Variants in RB1 observed in about 807,000 individuals in gnomAD.
The protein encoded by RB1 is RB transcriptional corepressor 1, also known as retinoblastoma-associated protein.
RB1 carries 18 observed loss-of-function variants against 135.4 expected under a neutral mutation model. The ratio of observed to expected loss-of-function variants is 0.13; its 90% CI spans 0.09 to 0.20. RB1 has a LOEUF of 0.20. Among genes scored for constraint, RB1 ranks in the 10% least tolerant of loss-of-function variants. RB1 has a pLI of 1.00. For missense variants in RB1, 868 were observed against 1,110.0 expected, an observed-to-expected ratio of 0.78 and a Z score of 3.10; for synonymous variants, 365 against 373.2, an observed-to-expected ratio of 0.98 and a Z score of 0.25.
chr13:48,331,315 C>T (rs1360390446), intron 2 of RB1, among the ~76,000 whole-genome samples: 1 of 152,206 alleles, frequency 6.6e-6, no homozygotes, highest in African/African-American at 2.4e-5. Context: ...ACATTTGCTA[C>T]AGTTTGAATG....
At chr13:48,349,622 AGAAG>A (rs1952528951) in intron 6 of RB1, among the ~76,000 whole-genome samples, 1 of 151,968 alleles carries the variant, frequency 6.6e-6, no homozygotes, top group African/African-American at 2.4e-5. Flanking sequence ...AAGGAAAGAA[AGAAG>A]GAAGAGAAGA....
At chr13:48,443,179 C>T (rs924246449) in intron 17 of RB1, among the ~76,000 whole-genome samples, 3 of 151,072 alleles carry the variant, frequency 2.0e-5, no homozygotes, top group Admixed American at 1.3e-4. Context: ...TATAATTTAG[C>T]GAAAGGATTA....
At chr13:48,459,152 A>G (rs1354963974) in intron 19 of RB1, among the ~76,000 whole-genome samples, 2 of 152,168 alleles carry the variant, frequency 1.3e-5, no homozygotes, top group Non-Finnish European at 2.9e-5. Flanking sequence ...TCATGCCATA[A>G]TAGTTAATTC....
In RB1 at chr13:48,330,393, A is replaced by C. The variant is rs1184273767; in HGVS notation, c.265-12206A>C. The stretch of plus-strand genomic sequence containing the variant: ...AGCAACAAAATGAAGAGTTTTTTTG[A>C]AAAGATAAACAAAATTGATAAACTT... On this transcript the variant is annotated intron_variant, in intron 2 of 26. Coordinates refer to ENST00000267163, the MANE Select transcript of RB1 (RefSeq NM_000321.3). Among the ~76,000 whole-genome samples, 7 of 152,130 alleles carry C rather than the reference A, an allele frequency of 4.6e-5. No individual in the cohort carries two copies. In the South Asian group the frequency reaches 1.2e-3, roughly 27 times the overall value.
intron 6 of RB1, among the ~76,000 whole-genome samples, chr13:48,355,306 A>G (rs1952580669): frequency 6.6e-6 from 1 of 152,180 alleles, no homozygotes; most frequent in South Asian, 2.1e-4. Flanking sequence ...ACAAACAGGC[A>G]TATGAAAAGG....
At chr13:48,442,996 A>G (rs1490187696) in intron 17 of RB1, among the ~76,000 whole-genome samples, 1 of 152,154 alleles carries the variant, frequency 6.6e-6, no homozygotes, top group Non-Finnish European at 1.5e-5. Flanking sequence ...AATTTTGACC[A>G]AGATATCAAT....
intron 17 of RB1, among the ~76,000 whole-genome samples, chr13:48,395,885 C>T (rs1948644094): frequency 6.6e-6 from 1 of 152,042 alleles, no homozygotes; most frequent in Non-Finnish European, 1.5e-5. Flanking sequence ...CAGGGAACAC[C>T]ACAAAGATAC....
At position 48,465,272 on chromosome 13, in the gene RB1, G is replaced by A. The variant is rs374523971; in HGVS notation, c.2393G>A (p.Arg798Gln). The change falls in exon 23 of 27, where the codon CGG (arginine) becomes CAG (glutamine). Residue 798 changes from arginine to glutamine, a missense_variant. Transcript: ENST00000267163. ...TACAAGTTTCCTAGTTCACCCTTAC[G>A]GATTCCTGGAGGGAACATCTATATT... ...SPYKFPSSPLRIPGGNIYISP... is the reference protein window; with the variant it reads ...SPYKFPSSPLQIPGGNIYISP... 2.7e-5 allele frequency: 44 copies of A among 1,612,646 alleles called. No individual in the cohort carries two copies. In the South Asian group the frequency reaches 3.6e-4, roughly 13 times the overall value.
At chr13:48,353,485 T>C (rs752122655) in intron 6 of RB1, among the ~76,000 whole-genome samples, 7 of 152,128 alleles carry the variant, frequency 4.6e-5, no homozygotes, top group African/African-American at 7.2e-5. Flanking sequence ...TGGGACCTGA[T>C]GGCTTCACTG....
intron 2 of RB1, among the ~76,000 whole-genome samples, chr13:48,316,151 C>T (rs1034307025): frequency 6.6e-6 from 1 of 152,126 alleles, no homozygotes; most frequent in Non-Finnish European, 1.5e-5. Flanking sequence ...GGGGATTTCA[C>T]ATGCAACAGG....
intron 11 of RB1, 53 bp from the exon 12 acceptor site, chr13:48,373,351 TC>T (rs1394413079): frequency 9.4e-7 from 1 of 1,065,710 alleles, no homozygotes; most frequent in African/African-American, 1.6e-5. Context: ...TTTCATTTTT[TC>T]TTTTTTTCTC....
At chr13:48,331,081 A>G (rs9535016) in intron 2 of RB1, among the ~76,000 whole-genome samples, 86,289 of 152,128 alleles carry the variant, frequency 0.57, 28,628 homozygotes, top group Non-Finnish European at 0.72. Context: ...AAAACTTAAC[A>G]TTCTTTCATG....
chr13:48,364,870 A>G, intron 8 of RB1, 24 bp from the exon 9 acceptor site: 1 of 1,546,116 alleles, frequency 6.5e-7, no homozygotes, highest in Non-Finnish European at 8.7e-7. Context: ...TTTAATGATC[A>G]TGTTGTAACT....
intron 2 of RB1, among the ~76,000 whole-genome samples, chr13:48,336,483 AT>A (rs1426559914): frequency 6.6e-6 from 1 of 152,018 alleles, no homozygotes; most frequent in Non-Finnish European, 1.5e-5. Context: ...AGAGGTGTTT[AT>A]AGTATTCTCT....
intron 17 of RB1, among the ~76,000 whole-genome samples, chr13:48,386,717 A>T (rs1458946577): frequency 1.3e-5 from 2 of 152,188 alleles, no homozygotes; most frequent in Non-Finnish European, 2.9e-5. Flanking sequence ...CACCACTGAA[A>T]GCTTGACAGA....
intron 12 of RB1, among the ~76,000 whole-genome samples, chr13:48,374,836 TAC>T (rs1952802575): frequency 6.6e-6 from 1 of 152,168 alleles, no homozygotes; most frequent in African/African-American, 2.4e-5. Flanking sequence ...TATGTTTTTA[TAC>T]AGTTTTTCAA....
intron 17 of RB1, among the ~76,000 whole-genome samples, chr13:48,409,683 C>T (rs1190063187): frequency 2.8e-5 from 4 of 140,672 alleles, no homozygotes; most frequent in African/African-American, 1.0e-4. Context: ...TGGGTTCAAG[C>T]GATTCTCCTG....
At chr13:48,304,396 G>T (rs1952059912) in intron 1 of RB1, among the ~76,000 whole-genome samples, 1 of 152,148 alleles carries the variant, frequency 6.6e-6, no homozygotes, top group South Asian at 2.1e-4. Flanking sequence ...TACAAAAATG[G>T]TGTCTGTGGG....
intron 20 of RB1, among the ~76,000 whole-genome samples, chr13:48,463,281 A>G (rs1949416964): frequency 6.6e-6 from 1 of 152,210 alleles, no homozygotes. Flanking sequence ...GAAACAAAAC[A>G]TTGTCAGCAA....
Sources: gnomAD v4.1 joint callset for allele counts (sites outside exome capture counted in the v4.1 genomes callset) on GRCh38, gnomAD v4.1.1 for gene constraint, MANE v1.5 for transcripts, NCBI Gene and HGNC (gene_info 2026-07-23, HGNC 2026-07-21) for gene names.